ADGRB3: variants seen among roughly 807,000 people sequenced by gnomAD.
ADGRB3 encodes the protein brain-specific angiogenesis inhibitor 3.
A neutral mutation model predicts 193.4 loss-of-function variants in ADGRB3; 37 were observed. That is an observed-to-expected ratio of 0.19 (90% CI 0.15 to 0.25). The LOEUF is 0.25. Among genes scored for constraint, ADGRB3 ranks in the 10% least tolerant of loss-of-function variants. The pLI is 1.00. For missense variants in ADGRB3, 1,637 were observed against 1,852.9 expected, an observed-to-expected ratio of 0.88 and a Z score of 2.14; for synonymous variants, 690 against 644.2, an observed-to-expected ratio of 1.07 and a Z score of -1.08.
At chr6:69,151,274 C>T (rs1026624901) in intron 17 of ADGRB3, among the ~76,000 whole-genome samples, 1 of 152,166 alleles carries the variant, frequency 6.6e-6, no homozygotes, top group Non-Finnish European at 1.5e-5. Context: ...TGCCAGAACT[C>T]AGGTTCTGAC....
At chr6:69,023,608 C>T (rs1253532810) in intron 13 of ADGRB3, among the ~76,000 whole-genome samples, 1 of 152,098 alleles carries the variant, frequency 6.6e-6, no homozygotes, top group African/African-American at 2.4e-5. Flanking sequence ...CATGTTGATT[C>T]ATGGTTCTGA....
At chr6:68,910,057 T>C (rs1405865165) in intron 3 of ADGRB3, among the ~76,000 whole-genome samples, 1 of 152,152 alleles carries the variant, frequency 6.6e-6, no homozygotes, top group African/African-American at 2.4e-5. Context: ...CCACATCCTC[T>C]CCAGCACCTG....
intron 20 of ADGRB3, among the ~76,000 whole-genome samples, chr6:69,294,385 A>G (rs1299118422): frequency 6.6e-6 from 1 of 152,076 alleles, no homozygotes; most frequent in Non-Finnish European, 1.5e-5. Flanking sequence ...CTAAATTTGC[A>G]TGTGGAGTTA....
intron 13 of ADGRB3, among the ~76,000 whole-genome samples, chr6:69,037,907 C>G (rs1189123729): frequency 3.9e-5 from 6 of 152,184 alleles, no homozygotes; most frequent in African/African-American, 1.4e-4. Context: ...TTTCATTTAT[C>G]ATTACTGACC....
chr6:68,925,414 A>T (rs966537525), intron 3 of ADGRB3, among the ~76,000 whole-genome samples: 24 of 151,958 alleles, frequency 1.6e-4, no homozygotes, highest in African/African-American at 5.8e-4. Context: ...AAGGCATTAA[A>T]TCTAATAACA....
chr6:69,298,720 C>CT (rs1329332334), intron 20 of ADGRB3, among the ~76,000 whole-genome samples: 1 of 151,938 alleles, frequency 6.6e-6, no homozygotes, highest in Non-Finnish European at 1.5e-5. Flanking sequence ...GGACTTCATT[C>CT]TTTTTTGTGG....
At position 69,315,278 on chromosome 6, in the gene ADGRB3, T is replaced by C. The variant is rs1300771835; in HGVS notation, c.2815-9594T>C. Among the ~76,000 whole-genome samples, 3 of 151,482 alleles carry C rather than the reference T, an allele frequency of 2.0e-5. 1 individual carries two copies. The highest frequency in any genetic ancestry group is 4.4e-5 in the Non-Finnish European group (3 of 67,632). ...ATAACTTCAGACAAGTTATTTAAAC[T>C]CTCTGAGCTTCATTTTCTCCTTTGT... On this transcript the variant is annotated intron_variant, in intron 20 of 31. Transcript: ENST00000370598.
At chr6:68,844,618 A>T (rs534869055) in intron 3 of ADGRB3, among the ~76,000 whole-genome samples, 1 of 152,278 alleles carries the variant, frequency 6.6e-6, no homozygotes, top group Admixed American at 6.5e-5. Context: ...ACCCACTGCT[A>T]GGTGTATACC....
intron 3 of ADGRB3, among the ~76,000 whole-genome samples, chr6:68,783,826 C>T (rs919606424): frequency 2.0e-5 from 3 of 151,996 alleles, no homozygotes; most frequent in African/African-American, 7.2e-5. Flanking sequence ...TTGTAGAGTG[C>T]ATGATCATTG....
chr6:69,219,665 G>A lies in ADGRB3; in HGVS notation c.2481-13625G>A, dbSNP rs987212255. Reference sequence around the variant, plus strand: ...TGTAACTCACAGGTAAATGTGCATGGTGTCCTTGGTTTTATGACTGAATCA... The same window carrying A: ...TGTAACTCACAGGTAAATGTGCATGATGTCCTTGGTTTTATGACTGAATCA... On this transcript the variant is annotated intron_variant, in intron 17 of 31. Coordinates refer to ENST00000370598, the MANE Select transcript of ADGRB3 (RefSeq NM_001704.3). Among the ~76,000 whole-genome samples the A allele has an allele frequency of 2.6e-5, 4 of 151,310 alleles. No individual in the cohort carries two copies. In the South Asian group the frequency reaches 8.3e-4, roughly 32 times the overall value.
chr6:69,300,272 G>A (rs763579749), intron 20 of ADGRB3, among the ~76,000 whole-genome samples: 1 of 151,648 alleles, frequency 6.6e-6, no homozygotes, highest in Non-Finnish European at 1.5e-5. Flanking sequence ...TAAACATTCC[G>A]TAATGATAAA....
At chr6:68,803,958 A>C (rs1767358063) in intron 3 of ADGRB3, among the ~76,000 whole-genome samples, 1 of 152,152 alleles carries the variant, frequency 6.6e-6, no homozygotes, top group Admixed American at 6.5e-5. Context: ...TTGCTCTTTC[A>C]TGAAATATTG....
intron 17 of ADGRB3, among the ~76,000 whole-genome samples, chr6:69,120,142 A>G (rs1422236308): frequency 2.6e-5 from 4 of 152,350 alleles, no homozygotes; most frequent in Non-Finnish European, 5.9e-5. Flanking sequence ...AATGGAAGAA[A>G]TTACAAATGG....
chr6:68,770,733 A>G (rs1467677505), intron 3 of ADGRB3, among the ~76,000 whole-genome samples: 1 of 152,100 alleles, frequency 6.6e-6, no homozygotes, highest in Non-Finnish European at 1.5e-5. Flanking sequence ...GAAATTCTAG[A>G]AATTTGAGGT....
At chr6:69,074,814 G>A (rs1772182377) in intron 16 of ADGRB3, among the ~76,000 whole-genome samples, 1 of 152,004 alleles carries the variant, frequency 6.6e-6, no homozygotes, top group African/African-American at 2.4e-5. Context: ...CAAAGTGCTG[G>A]GATTACAGGC....
chr6:69,251,347 A>G lies in ADGRB3; in HGVS notation c.2814+12121A>G, dbSNP rs570393192. The stretch of plus-strand genomic sequence containing the variant: ...AAATGAGCACTCTCATGGTTTTTCC[A>G]CTAATCTGTCTAGGAACCCATTTTT... On this transcript the variant is annotated intron_variant, in intron 20 of 31. Transcript: ENST00000370598. Among the ~76,000 whole-genome samples, 6 of 151,902 alleles carry G rather than the reference A, an allele frequency of 3.9e-5. No individual in the cohort carries two copies. In the East Asian group the frequency reaches 1.2e-3, roughly 29 times the overall value.
intron 17 of ADGRB3, among the ~76,000 whole-genome samples, chr6:69,086,418 A>G (rs998534130): frequency 4.6e-5 from 7 of 152,198 alleles, no homozygotes; most frequent in Middle Eastern, 3.4e-3. Context: ...CTGAATTTTC[A>G]CTAGTGTAGT....
At chr6:69,020,075 T>C (rs1020002151) in intron 13 of ADGRB3, among the ~76,000 whole-genome samples, 2 of 152,068 alleles carry the variant, frequency 1.3e-5, no homozygotes, top group African/African-American at 4.8e-5. Flanking sequence ...AAATGAGTTA[T>C]GAAGGGTCTT....
chr6:68,866,587 C>G (rs937564237), intron 3 of ADGRB3, among the ~76,000 whole-genome samples: 7 of 152,234 alleles, frequency 4.6e-5, no homozygotes, highest in African/African-American at 1.4e-4. Context: ...GAGTTTGGAA[C>G]AGTTTGGAGG....
Sources: allele counts gnomAD v4.1 joint callset (sites outside exome capture counted in the v4.1 genomes callset), GRCh38; gene constraint gnomAD v4.1.1; transcripts MANE v1.5; gene names NCBI Gene and HGNC (gene_info 2026-07-23, HGNC 2026-07-21).